DNM3: variants seen among roughly 807,000 people sequenced by gnomAD.
The protein encoded by DNM3 is dynamin 3.
Under a neutral mutation model 101.6 loss-of-function variants are expected in DNM3, and 47 were observed. That is an observed-to-expected ratio of 0.46 (90% CI 0.37 to 0.59). DNM3 has a LOEUF of 0.59. Among genes scored for constraint, DNM3 ranks in the 20% least tolerant of loss-of-function variants. The pLI, the probability that DNM3 is intolerant of heterozygous loss-of-function variation, is 0.00. For synonymous variants in DNM3, 385 were observed against 387.9 expected (o/e 0.99, Z 0.09); for missense variants, 849 against 1,085.7 (o/e 0.78, Z 3.06).
intron 11 of DNM3, among the ~76,000 whole-genome samples, chr1:172,076,974 T>C (rs2052709661): frequency 6.6e-6 from 1 of 152,204 alleles, no homozygotes; most frequent in Non-Finnish European, 1.5e-5. Flanking sequence ...AGGCTATTAA[T>C]GACTGCCTCA....
Position 172,407,784 on chromosome 1 carries a change from C to G in DNM3, c.2535C>G (p.Pro845=). 2 of 1,613,178 alleles carry G rather than the reference C, an allele frequency of 1.2e-6. 1 individual carries two copies. The highest frequency in any genetic ancestry group is 2.2e-5 in the South Asian group (2 of 91,054). The part of the protein sequence containing the change: ...APPSVPSRRP[P]PSPTRPTIIR... The stretch of plus-strand genomic sequence containing the variant: ...TTTCTCTTTCTAGCCGGAGACCACC[C>G]CCATCACCAACTCGTCCCACTATAA... The change falls in exon 21 of 21, where the codon CCC becomes CCG. Residue 845 remains proline (P), a synonymous_variant. Coordinates refer to ENST00000627582, the MANE Select transcript of DNM3 (RefSeq NM_015569.5).
At chr1:172,165,747 T>C (rs946955174) in intron 14 of DNM3, among the ~76,000 whole-genome samples, 2 of 152,132 alleles carry the variant, frequency 1.3e-5, no homozygotes, top group African/African-American at 4.8e-5. Context: ...TAGAAATCTT[T>C]AATGCTTCTT....
At chr1:172,146,191 A>G (rs1234111523) in intron 14 of DNM3, among the ~76,000 whole-genome samples, 5 of 152,212 alleles carry the variant, frequency 3.3e-5, no homozygotes, top group Admixed American at 3.3e-4. Context: ...TAGAAGTAGA[A>G]AAATATATCT....
intron 16 of DNM3, among the ~76,000 whole-genome samples, chr1:172,315,426 G>A (rs996929694): frequency 3.9e-5 from 6 of 152,182 alleles, no homozygotes; most frequent in Non-Finnish European, 7.3e-5. Flanking sequence ...GGCTGCAGAC[G>A]ATCAAACTAC....
intron 2 of DNM3, among the ~76,000 whole-genome samples, chr1:171,951,516 T>C (rs1473487473): frequency 1.3e-5 from 2 of 152,224 alleles, no homozygotes; most frequent in South Asian, 2.1e-4. Flanking sequence ...GTTTATCTAA[T>C]TGTTTTCTCT....
chr1:171,993,642 C>T (rs1279205721), intron 4 of DNM3, among the ~76,000 whole-genome samples: 1 of 151,692 alleles, frequency 6.6e-6, no homozygotes, highest in Non-Finnish European at 1.5e-5. Context: ...AAATTTTCAG[C>T]CATTATTTCT....
In DNM3 at chr1:172,388,737, G is replaced by A; in HGVS notation, c.2450G>A (p.Ser817Asn). The A allele has an allele frequency of 1.2e-6, 2 of 1,612,812 alleles. No homozygotes were observed. The highest frequency in any genetic ancestry group is 1.7e-6 in the Non-Finnish European group (2 of 1,179,426). Reference protein sequence around the residue: ...FRPGPLPPFPSSSDSFGAPPQ... With the variant: ...FRPGPLPPFPNSSDSFGAPPQ... ...CCAGGCCCATTACCTCCTTTCCCCA[G>A]CAGCAGTGACTCCTTCGGAGCCCCT... The change falls in exon 20 of 21, where the codon AGC becomes AAC. Residue 817 changes from serine (S) to asparagine (N), a missense_variant. By Grantham distance (46) the Ser-to-Asn change is conservative. Transcript: ENST00000627582.
chr1:172,089,235 A>G (rs1238453456), intron 12 of DNM3, among the ~76,000 whole-genome samples: 1 of 152,142 alleles, frequency 6.6e-6, no homozygotes, highest in Non-Finnish European at 1.5e-5. Flanking sequence ...CATTACTTGT[A>G]CCAGACAAAT....
chr1:172,157,763 G>A (rs2058394546), intron 14 of DNM3, among the ~76,000 whole-genome samples: 1 of 151,994 alleles, frequency 6.6e-6, no homozygotes, highest in Non-Finnish European at 1.5e-5. Context: ...AAGGTATACA[G>A]GAGGATGTAC....
chr1:172,244,068 G>A (rs939362729), intron 14 of DNM3, among the ~76,000 whole-genome samples: 3 of 151,698 alleles, frequency 2.0e-5, no homozygotes, highest in Non-Finnish European at 4.4e-5. Context: ...TCCTGTGTCC[G>A]TGTGATCTCA....
intron 2 of DNM3, among the ~76,000 whole-genome samples, chr1:171,922,703 C>T (rs1197066850): frequency 6.6e-6 from 1 of 152,148 alleles, no homozygotes; most frequent in African/African-American, 2.4e-5. Flanking sequence ...TTTCATAACA[C>T]CTTTCCCCAC....
At position 171,971,372 on chromosome 1, in the gene DNM3, G is replaced by A. The variant is rs192378088; in HGVS notation, c.236-16284G>A. ...CTACCCTAAAAAGACCTCTCCCTTT[G>A]TGAAATCTACATAGCATTCATTTGA... On this transcript the variant is annotated intron_variant, in intron 2 of 20. Transcript: ENST00000627582. 2.6e-5 allele frequency among the ~76,000 whole-genome samples: 4 copies of A among 151,990 alleles called. No homozygotes were observed. In the South Asian group the frequency reaches 8.3e-4, roughly 32 times the overall value.
At chr1:172,187,873 A>G (rs1444575839) in intron 14 of DNM3, among the ~76,000 whole-genome samples, 1 of 152,088 alleles carries the variant, frequency 6.6e-6, no homozygotes, top group Non-Finnish European at 1.5e-5. Flanking sequence ...TATATCAGGA[A>G]TGATTCTTTG....
rs1458144466 is a variant in DNM3, at chr1:172,157,312, G to C, written c.1659+26024G>C. On this transcript the variant is annotated intron_variant, in intron 14 of 20. Coordinates refer to ENST00000627582, the MANE Select transcript of DNM3 (RefSeq NM_015569.5). ...TCTAATACTGCTGCTGATCTGACAGGAGGCAGAGCTCAGGTGGTAATTCAA... is the reference window on the plus strand; with the variant it reads ...TCTAATACTGCTGCTGATCTGACAGCAGGCAGAGCTCAGGTGGTAATTCAA... Among the ~76,000 whole-genome samples, 3 of 152,172 alleles carry C rather than the reference G, an allele frequency of 2.0e-5. No individual in the cohort carries two copies. In the East Asian group the frequency reaches 5.8e-4, roughly 29 times the overall value.
Position 172,166,187 on chromosome 1 carries a change from T to C in DNM3, c.1659+34899T>C, listed in dbSNP as rs115220046. Among the ~76,000 whole-genome samples the C allele has an allele frequency of 1.4e-4, 21 of 152,136 alleles. 1 individual carries two copies. The highest frequency in any genetic ancestry group is 4.8e-4 in the African/African-American group (20 of 41,546). ...TTCATTATATCCCCTGAACTCAGAATAAAAATGTAGAAATGCTCAATATAT... is the reference window on the plus strand; with the variant it reads ...TTCATTATATCCCCTGAACTCAGAACAAAAATGTAGAAATGCTCAATATAT... On this transcript the variant is annotated intron_variant, in intron 14 of 20. Coordinates refer to ENST00000627582, the MANE Select transcript of DNM3 (RefSeq NM_015569.5).
At chr1:172,129,025 A>T (rs1470670306) in intron 13 of DNM3, among the ~76,000 whole-genome samples, 4 of 152,230 alleles carry the variant, frequency 2.6e-5, no homozygotes, top group Non-Finnish European at 5.9e-5. Flanking sequence ...AAGAAAGCTC[A>T]GATTCATATT....
chr1:171,918,639 T>C (rs1213811001), intron 1 of DNM3, among the ~76,000 whole-genome samples: 1 of 152,200 alleles, frequency 6.6e-6, no homozygotes. Flanking sequence ...AGAATATATC[T>C]GTCAGTGGTA....
chr1:172,379,398 C>T (rs994870864), intron 18 of DNM3, among the ~76,000 whole-genome samples: 3 of 151,968 alleles, frequency 2.0e-5, no homozygotes, highest in Admixed American at 2.0e-4. Context: ...AGGTATTCCC[C>T]ATTGGCTGTC....
chr1:172,376,405 C>T (rs1056730679), intron 17 of DNM3: 5 of 151,986 alleles, frequency 3.3e-5, no homozygotes, highest in African/African-American at 1.2e-4. Context: ...TTCAGTGCTT[C>T]AACTGCAAAG....
Sources: gnomAD v4.1 joint callset for allele counts (sites outside exome capture counted in the v4.1 genomes callset) on GRCh38, gnomAD v4.1.1 for gene constraint, MANE v1.5 for transcripts, NCBI Gene and HGNC (gene_info 2026-07-23, HGNC 2026-07-21) for gene names.